The following FRMPD4 variants were observed in gnomAD, a reference collection of about 807,000 sequenced individuals.
FRMPD4 encodes FERM and PDZ domain containing 4.
Under a neutral mutation model 94.1 loss-of-function variants are expected in FRMPD4, and 22 were observed. The observed-to-expected ratio is 0.23, with a 90% CI of 0.17 to 0.33. The LOEUF (loss-of-function observed/expected upper bound fraction) is 0.33, where lower values mean the gene tolerates loss of function less well. Ranked by LOEUF, FRMPD4 falls within the 10% of genes least tolerant of loss-of-function variation. The pLI is 1.00. For missense variants in FRMPD4, 1,111 were observed against 1,339.9 expected (o/e 0.83, Z 2.67); for synonymous variants, 631 against 548.6 (o/e 1.15, Z -2.10).
At chrX:11,849,513 A>T (rs1339456031) in intron 1 of FRMPD4, among the ~76,000 whole-genome samples, 1 of 111,631 alleles carries the variant, frequency 9.0e-6, no homozygotes, top group Non-Finnish European at 1.9e-5. Context: ...TTAGGTTTCA[A>T]AACTTATCAC....
chrX:12,636,996 G>A (rs2059448913), intron 4 of FRMPD4, among the ~76,000 whole-genome samples: 1 of 111,998 alleles, frequency 8.9e-6, no homozygotes, highest in Non-Finnish European at 1.9e-5. Context: ...TTTCTCCAAG[G>A]AGCCATGATT....
chrX:12,011,447 C>T (rs2054580175), intron 3 of FRMPD4, among the ~76,000 whole-genome samples: 1 of 112,140 alleles, frequency 8.9e-6, no homozygotes, highest in African/African-American at 3.3e-5. Context: ...AGCCACATTT[C>T]AAGTATTCAA....
intron 1 of FRMPD4, among the ~76,000 whole-genome samples, chrX:11,863,628 A>G (rs1325667994): frequency 3.6e-5 from 4 of 112,031 alleles, no homozygotes; most frequent in Non-Finnish European, 5.6e-5. Context: ...AAAGTCATAA[A>G]TATTATGTAT....
intron 13 of FRMPD4, among the ~76,000 whole-genome samples, chrX:12,708,067 G>A (rs890566872): frequency 4.0e-4 from 45 of 111,831 alleles, no homozygotes; most frequent in African/African-American, 1.5e-3. Context: ...GTCCATATGT[G>A]TTTATTCTTT....
At chrX:12,326,857 G>A (rs2055296691) in intron 1 of FRMPD4, among the ~76,000 whole-genome samples, 2 of 110,884 alleles carry the variant, frequency 1.8e-5, no homozygotes, top group Admixed American at 9.6e-5. Flanking sequence ...AGCTACTCAG[G>A]AGGCTGAGGC....
chrX:12,454,815 G>GTTTTTT (rs11443822), intron 1 of FRMPD4, among the ~76,000 whole-genome samples: 1 of 92,514 alleles, frequency 1.1e-5, no homozygotes. Context: ...AGAAAGCCAC[G>GTTTTTT]TTTTTTTTTT....
chrX:12,583,983 G>A (rs1044938166), intron 2 of FRMPD4, among the ~76,000 whole-genome samples: 2 of 111,854 alleles, frequency 1.8e-5, no homozygotes, highest in Non-Finnish European at 3.8e-5. Flanking sequence ...TCGGCCCTAA[G>A]GAGCAGGACC....
intron 1 of FRMPD4, among the ~76,000 whole-genome samples, chrX:12,388,624 CTAAA>C (rs2056430303): frequency 9.8e-6 from 1 of 102,109 alleles, no homozygotes; most frequent in African/African-American, 3.6e-5. Context: ...AAAAAAAAAA[CTAAA>C]TAAAAATAAA....
intron 3 of FRMPD4, among the ~76,000 whole-genome samples, chrX:12,069,126 G>A (rs781512260): frequency 2.7e-5 from 3 of 111,696 alleles, no homozygotes; most frequent in Admixed American, 9.5e-5. Context: ...ATGAGGTACT[G>A]AGCAATACCA....
intron 1 of FRMPD4, among the ~76,000 whole-genome samples, chrX:12,264,233 G>A (rs979451145): frequency 1.5e-4 from 17 of 111,868 alleles, no homozygotes; most frequent in Admixed American, 8.5e-4. Context: ...CTAATGATGT[G>A]CATTACCATT....
chrX:12,518,790 A>G (rs992200341), intron 2 of FRMPD4, among the ~76,000 whole-genome samples: 6 of 110,404 alleles, frequency 5.4e-5, no homozygotes, highest in African/African-American at 2.0e-4. Context: ...ACACGAGCTT[A>G]TATGTAGAAA....
intron 2 of FRMPD4, among the ~76,000 whole-genome samples, chrX:12,507,455 C>A (rs1200510858): frequency 8.9e-6 from 1 of 112,007 alleles, no homozygotes; most frequent in African/African-American, 3.2e-5. Flanking sequence ...AGACTGGGGG[C>A]CGGATGTGAC....
At position 12,031,216 on chromosome X, in the gene FRMPD4, T is replaced by A. The variant is rs184428070; in HGVS notation, c.95+153198T>A. Reference sequence around the variant, plus strand: ...TCATGTTTTCCCCAGGAGGGCAGTCTTTTGGTAGAAACTGTAGTGAATACA... The same window carrying A: ...TCATGTTTTCCCCAGGAGGGCAGTCATTTGGTAGAAACTGTAGTGAATACA... On this transcript the variant is annotated intron_variant, in intron 3 of 18. Transcript: ENST00000640291. Among the ~76,000 whole-genome samples, 3 of 112,395 alleles carry A rather than the reference T, an allele frequency of 2.7e-5. No individual in the cohort carries two copies. In the East Asian group the frequency reaches 8.4e-4, roughly 31 times the overall value.
At chrX:12,255,731 C>A (rs1261821352) in intron 1 of FRMPD4, among the ~76,000 whole-genome samples, 1 of 111,875 alleles carries the variant, frequency 8.9e-6, no homozygotes, top group Non-Finnish European at 1.9e-5. Flanking sequence ...CCATGCAATC[C>A]AATGTCTGTT....
chrX:12,556,906 G>C (rs780827593), intron 2 of FRMPD4, among the ~76,000 whole-genome samples: 2 of 111,916 alleles, frequency 1.8e-5, no homozygotes, highest in Admixed American at 1.9e-4. Context: ...GTACAGTGGC[G>C]TGATCATGGC....
intron 3 of FRMPD4, among the ~76,000 whole-genome samples, chrX:12,000,352 A>G (rs1269616973): frequency 1.8e-5 from 2 of 112,034 alleles, no homozygotes; most frequent in Non-Finnish European, 1.9e-5. Flanking sequence ...CTGTATTTCA[A>G]CTCTTATTTT....
intron 3 of FRMPD4, among the ~76,000 whole-genome samples, chrX:11,915,214 C>T (rs982508535): frequency 1.8e-5 from 2 of 112,427 alleles, no homozygotes; most frequent in African/African-American, 6.5e-5. Flanking sequence ...GTCAGATTCT[C>T]CTCTAAGCTG....
At chrX:12,646,966 A>G (rs56940801) in intron 4 of FRMPD4, among the ~76,000 whole-genome samples, 6,807 of 111,789 alleles carry the variant, frequency 0.061, 396 homozygotes, top group African/African-American at 0.18. Flanking sequence ...AACCCCTAGG[A>G]ACAACTGGGA....
At chrX:12,310,417 G>T (rs1453098914) in intron 1 of FRMPD4, among the ~76,000 whole-genome samples, 1 of 89,198 alleles carries the variant, frequency 1.1e-5, no homozygotes, top group Admixed American at 1.4e-4. Flanking sequence ...AGGCCATCTG[G>T]GCGTATACGT....
Sources: gnomAD v4.1 joint callset for allele counts (sites outside exome capture counted in the v4.1 genomes callset) on GRCh38, gnomAD v4.1.1 for gene constraint, MANE v1.5 for transcripts, NCBI Gene and HGNC (gene_info 2026-07-23, HGNC 2026-07-21) for gene names.